The following CTNNA3 variants were observed in gnomAD, a reference collection of about 807,000 sequenced individuals.
CTNNA3 encodes catenin alpha 3.
Under a neutral mutation model 95.7 loss-of-function variants are expected in CTNNA3, and 76 were observed. The observed-to-expected ratio is 0.79, with a 90% CI of 0.66 to 0.96. The LOEUF is 0.96. CTNNA3 is among the 40% of genes least tolerant of loss of function. The pLI, the probability that CTNNA3 is intolerant of heterozygous loss-of-function variation, is 0.00. For missense variants in CTNNA3, 1,191 were observed against 1,089.8 expected (o/e 1.09, Z -1.31); for synonymous variants, 431 against 374.4 (o/e 1.15, Z -1.74).
At chr10:67,035,709 T>C (rs1182899229) in intron 7 of CTNNA3, among the ~76,000 whole-genome samples, 3 of 152,200 alleles carry the variant, frequency 2.0e-5, no homozygotes, top group Admixed American at 6.5e-5. Flanking sequence ...GCAATAGACC[T>C]GAACCACATC....
chr10:66,967,339 T>G (rs535100884), intron 7 of CTNNA3, among the ~76,000 whole-genome samples: 4 of 141,078 alleles, frequency 2.8e-5, no homozygotes, highest in African/African-American at 9.9e-5. Context: ...TAGACATATA[T>G]ATATATAGAT....
At chr10:66,011,437 T>C (rs935452558) in intron 15 of CTNNA3, among the ~76,000 whole-genome samples, 3 of 152,202 alleles carry the variant, frequency 2.0e-5, no homozygotes, top group African/African-American at 7.2e-5. Context: ...TTTCTGCTCC[T>C]GGGTTTCACA....
intron 7 of CTNNA3, among the ~76,000 whole-genome samples, chr10:67,169,837 G>A (rs1445801140): frequency 6.6e-6 from 1 of 152,082 alleles, no homozygotes; most frequent in Non-Finnish European, 1.5e-5. Context: ...ACAACCTACA[G>A]ATGGGAGAAA....
intron 5 of CTNNA3, among the ~76,000 whole-genome samples, chr10:67,335,139 C>T (rs1379456375): frequency 3.3e-5 from 5 of 152,170 alleles, no homozygotes; most frequent in East Asian, 1.9e-4. Context: ...TGAGTTTTCT[C>T]GTGGGACACC....
intron 14 of CTNNA3, among the ~76,000 whole-genome samples, chr10:66,102,937 C>T (rs1261836319): frequency 6.6e-6 from 1 of 152,158 alleles, no homozygotes; most frequent in South Asian, 2.1e-4. Flanking sequence ...GAGTGATTCA[C>T]TACATGACCT....
chr10:66,865,942 G>A (rs1226963419), intron 7 of CTNNA3, among the ~76,000 whole-genome samples: 1 of 151,980 alleles, frequency 6.6e-6, no homozygotes, highest in Non-Finnish European at 1.5e-5. Flanking sequence ...TTATTGATTT[G>A]TAATGTGTTA....
intron 7 of CTNNA3, among the ~76,000 whole-genome samples, chr10:67,061,293 A>C (rs1336771067): frequency 6.6e-6 from 1 of 152,196 alleles, no homozygotes; most frequent in Non-Finnish European, 1.5e-5. Context: ...TGCCTCCCTA[A>C]GAAGTTACAT....
In CTNNA3 at chr10:67,672,198, G is replaced by A. The variant is rs1203993172; in HGVS notation, c.-6+23802C>T. On this transcript the variant is annotated intron_variant, in intron 1 of 17. Coordinates refer to ENST00000433211, the MANE Select transcript of CTNNA3 (RefSeq NM_013266.4). ...GTTCATATCCTTCGCCCACTTTTTG[G>A]TGGGGTTGTTTGTTTTTTTCTTGTA... is the stretch of plus-strand genomic sequence containing the variant. Among the ~76,000 whole-genome samples the A allele has an allele frequency of 4.6e-5, 7 of 151,996 alleles. No individual in the cohort carries two copies. The South Asian group carries it at 8.3e-4, about 18-fold the overall frequency.
intron 13 of CTNNA3, among the ~76,000 whole-genome samples, chr10:66,159,323 G>C (rs7079826): frequency 2.0e-5 from 3 of 151,792 alleles, no homozygotes; most frequent in Non-Finnish European, 4.4e-5. Context: ...TTACATTAAG[G>C]TATGACCCTT....
At chr10:66,546,053 C>T (rs1407685577) in intron 10 of CTNNA3, among the ~76,000 whole-genome samples, 1 of 151,612 alleles carries the variant, frequency 6.6e-6, no homozygotes, top group African/African-American at 2.4e-5. Context: ...TATACTTTCA[C>T]TCTCTTATGG....
chr10:66,363,927 C>T (rs2132439549), intron 12 of CTNNA3, among the ~76,000 whole-genome samples: 1 of 152,162 alleles, frequency 6.6e-6, no homozygotes, highest in East Asian at 1.9e-4. Context: ...TATCACAAAA[C>T]CTCTAAGAGA....
rs1282636063 is a variant in CTNNA3, at chr10:66,508,213, T to TG, written c.1531+12403_1531+12404insC. On this transcript the variant is annotated intron_variant, in intron 11 of 17. Transcript: ENST00000433211. ...TTTTTGTTTTGTTTTGTTTTCTGTT[T>TG]TTTTTTTTTTTAACAATTTCGTTGA... Among the ~76,000 whole-genome samples the TG allele has an allele frequency of 8.5e-4, 127 of 149,020 alleles. 1 individual carries two copies. Among genetic ancestry groups the TG allele is most frequent in the African/African-American group, 2.8e-3 (114 of 40,066 alleles).
chr10:66,682,375 T>C (rs1476226730), intron 9 of CTNNA3, among the ~76,000 whole-genome samples: 3 of 152,154 alleles, frequency 2.0e-5, no homozygotes, highest in Non-Finnish European at 4.4e-5. Flanking sequence ...TAAAGAAATC[T>C]TGTTGTATAA....
chr10:67,718,376 T>C lies in CTNNA3; in HGVS notation c.-2+45058A>G, dbSNP rs180953524. ...GTTGAGTAGTGGTGAGAGAGGGCAT[T>C]CTTGTCTTGTGCCAGTTTTCAAAGG... On this transcript the variant is annotated intron_variant, in intron 1 of 17. Transcript: ENST00000684154. 1.7e-3 allele frequency among the ~76,000 whole-genome samples: 258 copies of C among 152,290 alleles called. 1 individual carries two copies. Among genetic ancestry groups the C allele is most frequent in the Non-Finnish European group, 2.5e-3 (170 of 68,032 alleles).
At chr10:66,002,594 T>C (rs982380108) in intron 15 of CTNNA3, among the ~76,000 whole-genome samples, 2 of 152,178 alleles carry the variant, frequency 1.3e-5, no homozygotes, top group African/African-American at 4.8e-5. Context: ...TCCAGGCGAA[T>C]TGTGGGTGGT....
In CTNNA3 at chr10:67,129,282, C is replaced by G. The variant is rs147897698; in HGVS notation, c.1047+51035G>C. Among the ~76,000 whole-genome samples the G allele has an allele frequency of 2.9e-3, 440 of 152,212 alleles. 4 individuals are homozygous for G. Among genetic ancestry groups the G allele is most frequent in the Middle Eastern group, 6.8e-3 (2 of 294 alleles). ...CAAGATGTGTTTGTCATCCCAATTG[C>G]CTTGGAACATTAACCATTTCATTTC... On this transcript the variant is annotated intron_variant, in intron 7 of 17. Coordinates refer to ENST00000433211, the MANE Select transcript of CTNNA3 (RefSeq NM_013266.4).
rs532395692 is a variant in CTNNA3 at position 66,329,990 on chromosome 10, A to G, written c.1732+49162T>C. On this transcript the variant is annotated intron_variant, in intron 12 of 17. Coordinates refer to ENST00000433211, the MANE Select transcript of CTNNA3 (RefSeq NM_013266.4). ...TGCATGCTTGGTTAAATGGGACATG[A>G]TTCCAAGCTCAAAAAATAAAATATA... Among the ~76,000 whole-genome samples, 6 of 152,220 alleles carry G rather than the reference A, an allele frequency of 3.9e-5. No individual in the cohort carries two copies. The East Asian group carries it at 1.2e-3, about 29-fold the overall frequency.
chr10:65,976,114 G>A lies in CTNNA3; in HGVS notation c.2266-9368C>T, dbSNP rs12572796. On this transcript the variant is annotated intron_variant, in intron 16 of 17. Transcript: ENST00000433211. ...ATAAATGGTATTAGTGGTAGAGCTCGTGTTCAAACATAATCTGGCTACACC... is the reference window on the plus strand; with the variant it reads ...ATAAATGGTATTAGTGGTAGAGCTCATGTTCAAACATAATCTGGCTACACC... 1.1e-4 allele frequency among the ~76,000 whole-genome samples: 16 copies of A among 152,200 alleles called. No individual in the cohort carries two copies. The East Asian group carries it at 1.9e-3, about 18-fold the overall frequency.
At chr10:66,005,750 A>G (rs1212792602) in intron 15 of CTNNA3, among the ~76,000 whole-genome samples, 1 of 152,122 alleles carries the variant, frequency 6.6e-6, no homozygotes, top group Non-Finnish European at 1.5e-5. Context: ...AGGGTAGATG[A>G]GAACATTTTT....
Sources: gnomAD v4.1 joint callset for allele counts (sites outside exome capture counted in the v4.1 genomes callset) on GRCh38, gnomAD v4.1.1 for gene constraint, MANE v1.5 for transcripts, NCBI Gene and HGNC (gene_info 2026-07-23, HGNC 2026-07-21) for gene names.